The following MYOM1 variants were observed in gnomAD, a reference collection of about 807,000 sequenced individuals.
MYOM1 encodes the protein myomesin 1.
A neutral mutation model predicts 205.3 loss-of-function variants in MYOM1; 164 were observed. The ratio of observed to expected loss-of-function variants is 0.80; its 90% CI spans 0.70 to 0.91. The LOEUF is 0.91. Among genes scored for constraint, MYOM1 ranks in the 40% least tolerant of loss-of-function variants. The pLI, the probability that MYOM1 is intolerant of heterozygous loss-of-function variation, is 0.00. For synonymous variants in MYOM1, 772 were observed against 789.4 expected, an observed-to-expected ratio of 0.98 and a Z score of 0.37; for missense variants, 2,011 against 2,127.3, an observed-to-expected ratio of 0.95 and a Z score of 1.08.
upstream of MYOM1, among the ~76,000 whole-genome samples, chr18:3,222,073 G>A (rs781595040): frequency 6.6e-6 from 1 of 152,198 alleles, no homozygotes; most frequent in East Asian, 1.9e-4. Context: ...TACATTAGAT[G>A]ATTTTCTGGG....
intron 19 of MYOM1, 81 bp from the exon 20 acceptor site, chr18:3,120,076 T>C: frequency 6.7e-7 from 1 of 1,492,682 alleles, no homozygotes; most frequent in Admixed American, 2.3e-5. Context: ...TTTATTTATT[T>C]ACCTTCCATG....
chr18:3,192,342 A>G (rs1156601349), intron 3 of MYOM1, among the ~76,000 whole-genome samples: 1 of 152,228 alleles, frequency 6.6e-6, no homozygotes, highest in Non-Finnish European at 1.5e-5. Context: ...TGGAAAGTTC[A>G]CTTAAAAAAA....
At chr18:3,113,901 C>T (rs114575435) in intron 21 of MYOM1, among the ~76,000 whole-genome samples, 1,956 of 152,180 alleles carry the variant, frequency 0.013, 28 homozygotes, top group African/African-American at 0.044. Flanking sequence ...AAATGAGGTA[C>T]GTATTAAATT....
In MYOM1 at chr18:3,151,758, A is replaced by T. The variant is rs538016001; in HGVS notation, c.1779T>A (p.Gly593=). ...RVRAVNKMGI[G]FPSRVSEPVA... ...CGGGCTCGGAAACTCGAGATGGGAA[A>T]CCTATTCCCATTTTATTCACAGCTC... The change falls in exon 12 of 38, where the codon GGT becomes GGA. Residue 593 remains glycine, a synonymous_variant. Coordinates refer to ENST00000356443, the MANE Select transcript of MYOM1 (RefSeq NM_003803.4). The T allele has an allele frequency of 6.2e-7, 1 of 1,613,836 alleles. No individual in the cohort carries two copies. The highest frequency in any genetic ancestry group is 8.5e-7 in the Non-Finnish European group (1 of 1,179,806).
intron 5 of MYOM1, among the ~76,000 whole-genome samples, chr18:3,183,786 G>A (rs1598749695): frequency 1.3e-5 from 2 of 152,278 alleles, no homozygotes; most frequent in South Asian, 4.1e-4. Flanking sequence ...AACAATCTTG[G>A]TTGTTGCTTG....
chr18:3,071,763 G>C, intron 37 of MYOM1, 71 bp downstream of exon 37: 1 of 1,478,158 alleles, frequency 6.8e-7, no homozygotes, highest in East Asian at 2.5e-5. Flanking sequence ...TTAAAAGAAG[G>C]AACAAAATCT....
chr18:3,191,347 G>A (rs1247548086), intron 3 of MYOM1, among the ~76,000 whole-genome samples: 1 of 152,152 alleles, frequency 6.6e-6, no homozygotes, highest in Non-Finnish European at 1.5e-5. Context: ...GCATTCGCCA[G>A]GCCTACGTGG....
intron 14 of MYOM1, among the ~76,000 whole-genome samples, chr18:3,141,041 G>C (rs564888671): frequency 6.6e-6 from 1 of 151,986 alleles, no homozygotes; most frequent in African/African-American, 2.4e-5. Context: ...AATGGATTTT[G>C]AACCTCATTT....
In MYOM1 at chr18:3,188,892, C is replaced by T. The variant is rs1249449098; in HGVS notation, c.627G>A (p.Thr209=). 1.3e-5 allele frequency: 21 copies of T among 1,608,480 alleles called. 1 individual carries two copies. The highest frequency in any genetic ancestry group is 1.7e-4 in the Middle Eastern group (1 of 6,060). Residue 209 remains threonine (T), a synonymous_variant, in exon 4 of 38, where the codon ACG becomes ACA. Coordinates refer to ENST00000356443, the MANE Select transcript of MYOM1 (RefSeq NM_003803.4). ...TGGATGCCGTGGACTGCCTGGATGC[C>T]GTGGACTGCTTGGATGCTGTGGACT... ...SKQSTASKQS[T]ASRQSTASRQ...
At chr18:3,167,211 T>C (rs2080484190) in intron 9 of MYOM1, among the ~76,000 whole-genome samples, 1 of 152,108 alleles carries the variant, frequency 6.6e-6, no homozygotes. Context: ...AGGCTTAGAG[T>C]AAACACCAGC....
chr18:3,186,225 A>G (rs1446964264), intron 5 of MYOM1, among the ~76,000 whole-genome samples: 1 of 152,028 alleles, frequency 6.6e-6, no homozygotes, highest in African/African-American at 2.4e-5. Flanking sequence ...GAATAACCTT[A>G]GAGAGTTAAT....
intron 19 of MYOM1, among the ~76,000 whole-genome samples, chr18:3,121,202 G>A (rs1276852800): frequency 2.6e-5 from 4 of 151,892 alleles, no homozygotes; most frequent in African/African-American, 9.7e-5. Context: ...AGAAAATGAG[G>A]GAGAAACAAT....
the MYOM1 span, among the ~76,000 whole-genome samples, chr18:3,244,478 G>A: frequency 6.6e-6 from 1 of 152,134 alleles, no homozygotes; most frequent in African/African-American, 2.4e-5. Flanking sequence ...CATTAACACT[G>A]AAGGCTCATA....
At chr18:3,081,634 C>T (rs1598651999) in intron 33 of MYOM1, among the ~76,000 whole-genome samples, 1 of 152,140 alleles carries the variant, frequency 6.6e-6, no homozygotes, top group African/African-American at 2.4e-5. Flanking sequence ...TTCTCTCATT[C>T]TTCAGACTGA....
Position 3,067,256 on chromosome 18 carries a change from C to T in MYOM1, c.*6G>A, listed in dbSNP as rs777514772. The T allele has an allele frequency of 5.7e-6, 9 of 1,587,280 alleles. No individual in the cohort carries two copies. In the East Asian group the frequency reaches 2.1e-4, roughly 36 times the overall value. Reference sequence around the variant, plus strand: ...ACAGGCCGGCTGGCTCTCCTCGCACCTCCGGTCACTTGGCCTTCTTGCCAC... The same window carrying T: ...ACAGGCCGGCTGGCTCTCCTCGCACTTCCGGTCACTTGGCCTTCTTGCCAC... On this transcript the variant is annotated 3_prime_UTR_variant, in exon 38 of 38. Coordinates refer to ENST00000356443, the MANE Select transcript of MYOM1 (RefSeq NM_003803.4).
intron 5 of MYOM1, among the ~76,000 whole-genome samples, chr18:3,177,853 A>G (rs1329360797): frequency 1.3e-5 from 2 of 152,218 alleles, no homozygotes; most frequent in Non-Finnish European, 2.9e-5. Flanking sequence ...TTGCCTTGGA[A>G]GAATTTATAA....
At chr18:3,072,871 A>G (rs1225663950) in intron 36 of MYOM1, among the ~76,000 whole-genome samples, 1 of 152,068 alleles carries the variant, frequency 6.6e-6, no homozygotes, top group African/African-American at 2.4e-5. Context: ...ACAGCCTCCA[A>G]GCGTAGCTTG....
intron 17 of MYOM1, among the ~76,000 whole-genome samples, chr18:3,129,982 C>T (rs775190125): frequency 6.6e-5 from 10 of 152,120 alleles, no homozygotes; most frequent in Non-Finnish European, 1.0e-4. Context: ...CTGTACCTCT[C>T]AACCTCAAAG....
At chr18:3,240,876 T>A in the MYOM1 span, among the ~76,000 whole-genome samples, 1 of 152,176 alleles carries the variant, frequency 6.6e-6, no homozygotes, top group Non-Finnish European at 1.5e-5. Context: ...GAGGAACTTG[T>A]TGGGAACTGG....
Sources: allele counts gnomAD v4.1 joint callset (sites outside exome capture counted in the v4.1 genomes callset), GRCh38; gene constraint gnomAD v4.1.1; transcripts MANE v1.5; gene names NCBI Gene and HGNC (gene_info 2026-07-23, HGNC 2026-07-21).